The following TTC39B variants were observed in gnomAD, a reference collection of about 807,000 sequenced individuals.
The protein encoded by TTC39B is tetratricopeptide repeat protein 39B.
In TTC39B, 92 loss-of-function variants were observed where a neutral mutation model predicts 96.6. The ratio of observed to expected loss-of-function variants is 0.95; its 90% CI spans 0.80 to 1.13. TTC39B has a LOEUF of 1.13. Among genes scored for constraint, TTC39B ranks in the 50% most tolerant of loss-of-function variants. TTC39B has a pLI of 0.00. For synonymous variants in TTC39B, 367 were observed against 299.4 expected, an observed-to-expected ratio of 1.23 and a Z score of -2.33; for missense variants, 955 against 809.3, an observed-to-expected ratio of 1.18 and a Z score of -2.18.
At chr9:15,250,062 C>G in intron 2 of TTC39B, 1 of 1,283,352 alleles carries the variant, frequency 7.8e-7, no homozygotes, top group Admixed American at 2.4e-5. Context: ...TCCTCAATTT[C>G]TATTTTATTC....
Position 15,306,957 on chromosome 9 carries a change from G to A in TTC39B, c.240+127C>T, listed in dbSNP as rs1441814676. On this transcript the variant is annotated intron_variant, in intron 1 of 19. Coordinates refer to ENST00000512701, the Ensembl canonical transcript of TTC39B. The surrounding 1 kb of genome is among the most constrained non-coding windows in gnomAD (Gnocchi z 5.1). The stretch of plus-strand genomic sequence containing the variant: ...GGCCGGGCGCCCCCACCCGGCGCCC[G>A]CCAGCCCACCCCAGAGAGGGGACCA... The A allele has an allele frequency of 7.1e-7, 1 of 1,406,316 alleles. No homozygotes were observed. The highest frequency in any genetic ancestry group is 1.4e-5 in the South Asian group (1 of 73,438). The allele number at this position is 1,406,316 out of a possible 1,614,324, so 87.1% of individuals were successfully genotyped here.
chr9:15,243,133 T>G (rs549500165), intron 2 of TTC39B, among the ~76,000 whole-genome samples: 1 of 152,242 alleles, frequency 6.6e-6, no homozygotes, highest in African/African-American at 2.4e-5. Context: ...CACCACCTCT[T>G]CCTGCACCCA....
chr9:15,183,260 GATC>G (rs1268528747), intron 16 of TTC39B: 3 of 359,900 alleles, frequency 8.3e-6, no homozygotes, highest in Admixed American at 7.9e-5. Context: ...CGAAAACTAA[GATC>G]ATGACACTCT....
chr9:15,223,327 G>A (rs1564363164), intron 3 of TTC39B, among the ~76,000 whole-genome samples: 1 of 152,210 alleles, frequency 6.6e-6, no homozygotes, highest in East Asian at 1.9e-4. Context: ...GTTTCTTAAA[G>A]GTGCACCAGC....
rs75713085 is a variant in TTC39B, at chr9:15,214,195, T to A, written c.426A>T (p.Ala142=). 3.1e-6 allele frequency: 5 copies of A among 1,614,144 alleles called. No individual in the cohort carries two copies. The African/African-American group carries it at 5.3e-5, about 17-fold the overall frequency. Residue 142 remains alanine (A), a synonymous_variant, in exon 4 of 20, where the codon GCA becomes GCT. Transcript: ENST00000512701. ...ATTTGTTGCTTAGAAATAAGTTCAA[T>A]GCCACAGCACATTCTTCGAGGCCAC...
At chr9:15,220,653 G>A (rs2131384441) in intron 3 of TTC39B, among the ~76,000 whole-genome samples, 1 of 152,168 alleles carries the variant, frequency 6.6e-6, no homozygotes, top group South Asian at 2.1e-4. Context: ...AGACTCAAAT[G>A]GGGAAGCAGA....
intron 6 of TTC39B, among the ~76,000 whole-genome samples, chr9:15,207,162 T>A (rs145873433): frequency 0.012 from 1,847 of 152,300 alleles, 28 homozygotes; most frequent in Non-Finnish European, 0.014. Context: ...CTTTCCTTTA[T>A]AAATTACCCA....
intron 1 of TTC39B, among the ~76,000 whole-genome samples, chr9:15,285,613 G>A (rs180835526): frequency 9.2e-4 from 140 of 152,224 alleles, no homozygotes; most frequent in African/African-American, 3.0e-3. Flanking sequence ...CCTGCACTTC[G>A]GGAGGCCGAG....
chr9:15,180,099 G>A (rs767734341), intron 17 of TTC39B, among the ~76,000 whole-genome samples: 2 of 152,142 alleles, frequency 1.3e-5, no homozygotes, highest in Non-Finnish European at 2.9e-5. Context: ...AAAGCTACTA[G>A]AGTACAATTT....
intron 1 of TTC39B, among the ~76,000 whole-genome samples, chr9:15,284,453 AAATTAG>A (rs1364673462): frequency 3.9e-5 from 6 of 152,240 alleles, no homozygotes; most frequent in Non-Finnish European, 8.8e-5. Flanking sequence ...GCTGCGAAAG[AAATTAG>A]AATTAGACCC....
At chr9:15,237,281 T>C (rs1372319134) in intron 2 of TTC39B, among the ~76,000 whole-genome samples, 1 of 152,086 alleles carries the variant, frequency 6.6e-6, no homozygotes, top group Non-Finnish European at 1.5e-5. Context: ...TGCCACTGTA[T>C]TCTAGCCTGA....
intron 1 of TTC39B, among the ~76,000 whole-genome samples, chr9:15,289,367 A>G (rs190354117): frequency 6.8e-4 from 104 of 152,364 alleles, no homozygotes; most frequent in African/African-American, 2.4e-3. Context: ...CAAAAAGTAA[A>G]CTTTATACAC....
intron 2 of TTC39B, among the ~76,000 whole-genome samples, chr9:15,234,141 G>T (rs905095401): frequency 9.9e-5 from 15 of 150,798 alleles, no homozygotes; most frequent in African/African-American, 3.4e-4. Flanking sequence ...GAGAAGTGAG[G>T]AGTCCCTCTG....
At chr9:15,303,509 C>A (rs1196373347) in intron 1 of TTC39B, among the ~76,000 whole-genome samples, 1 of 151,862 alleles carries the variant, frequency 6.6e-6, no homozygotes, top group Non-Finnish European at 1.5e-5. Context: ...TAACTTAGGA[C>A]TACAGGCGGG....
At chr9:15,167,957 G>A (rs930305099) in exon 20 of TTC39B, 6 of 152,136 alleles carry the variant, frequency 3.9e-5, no homozygotes, top group Non-Finnish European at 7.3e-5. Flanking sequence ...CAATGACACT[G>A]ACCATCTGCA....
At chr9:15,184,141 T>C (rs1818395394) in intron 16 of TTC39B, among the ~76,000 whole-genome samples, 1 of 152,282 alleles carries the variant, frequency 6.6e-6, no homozygotes, top group Non-Finnish European at 1.5e-5. Flanking sequence ...CATGAAAAGA[T>C]GCTCCACCAC....
chr9:15,297,747 C>A (rs1472405970), intron 1 of TTC39B, among the ~76,000 whole-genome samples: 1 of 152,142 alleles, frequency 6.6e-6, no homozygotes, highest in Non-Finnish European at 1.5e-5. Flanking sequence ...AGCCTCCACG[C>A]CTTGCCAGGG....
chr9:15,197,239 A>G (rs1480909543), intron 8 of TTC39B, among the ~76,000 whole-genome samples: 1 of 152,216 alleles, frequency 6.6e-6, no homozygotes, highest in African/African-American at 2.4e-5. Context: ...CTTTGCCTCT[A>G]CAGTCCTATT....
In TTC39B at chr9:15,198,089, T is replaced by A. The variant is rs751959515; in HGVS notation, c.824+1772A>T. Among the ~76,000 whole-genome samples, 25 of 152,180 alleles carry A rather than the reference T, an allele frequency of 1.6e-4. No individual in the cohort carries two copies. The South Asian group carries it at 2.3e-3, about 14-fold the overall frequency. ...TGGGTAAAGAGAGAAGACTACAACATATAACTGATTAAAGAGAAAGTCTGA... is the reference window on the plus strand; with the variant it reads ...TGGGTAAAGAGAGAAGACTACAACAAATAACTGATTAAAGAGAAAGTCTGA... On this transcript the variant is annotated intron_variant, in intron 8 of 19. Coordinates refer to ENST00000512701, the Ensembl canonical transcript of TTC39B.
Sources: allele counts gnomAD v4.1 joint callset (sites outside exome capture counted in the v4.1 genomes callset), GRCh38; gene constraint gnomAD v4.1.1; non-coding constraint Gnocchi (gnomAD v3.1); transcripts MANE v1.5; gene names NCBI Gene and HGNC (gene_info 2026-07-23, HGNC 2026-07-21).